CLINT1: variants seen among roughly 807,000 people sequenced by gnomAD.
The protein encoded by CLINT1 is clathrin interacting protein localized in the trans-Golgi region.
In CLINT1, 15 loss-of-function variants were observed where a neutral mutation model predicts 70.4. That is an observed-to-expected ratio of 0.21 (90% CI 0.14 to 0.33). CLINT1 has a LOEUF of 0.33. CLINT1 is among the 10% of genes least tolerant of loss of function. The pLI is 1.00. For missense variants in CLINT1, 615 were observed against 778.1 expected (o/e 0.79, Z 2.49); for synonymous variants, 227 against 254.7 (o/e 0.89, Z 1.04).
chr5:157,854,586 T>C (rs778169634), intron 1 of CLINT1, among the ~76,000 whole-genome samples: 1 of 152,198 alleles, frequency 6.6e-6, no homozygotes, highest in Non-Finnish European at 1.5e-5. Flanking sequence ...ATAACAAATG[T>C]ATTGCCTGTT....
intron 1 of CLINT1, among the ~76,000 whole-genome samples, chr5:157,825,805 T>C (rs1363485896): frequency 6.6e-6 from 1 of 152,148 alleles, no homozygotes; most frequent in East Asian, 1.9e-4. Context: ...ACTTCCAAAT[T>C]CTTTGTTTCA....
intron 8 of CLINT1, among the ~76,000 whole-genome samples, chr5:157,802,542 C>CTCT (rs1762256935): frequency 7.3e-6 from 1 of 137,306 alleles, no homozygotes; most frequent in African/African-American, 2.8e-5. Context: ...GTAGCCCTCT[C>CTCT]TTTTTTTTTT....
chr5:157,854,539 T>TA (rs1288196034), intron 1 of CLINT1, among the ~76,000 whole-genome samples: 1 of 151,962 alleles, frequency 6.6e-6, no homozygotes, highest in Non-Finnish European at 1.5e-5. Flanking sequence ...GTCTCAAAAA[T>TA]AAAAAATAAA....
chr5:157,818,144 A>G (rs1408654239), intron 1 of CLINT1, among the ~76,000 whole-genome samples: 1 of 152,174 alleles, frequency 6.6e-6, no homozygotes, highest in Non-Finnish European at 1.5e-5. Context: ...TACTGGCTGC[A>G]TAATATTCCA....
intron 7 of CLINT1, among the ~76,000 whole-genome samples, chr5:157,805,361 A>G (rs372363617): frequency 6.6e-6 from 1 of 152,210 alleles, no homozygotes; most frequent in South Asian, 2.1e-4. Flanking sequence ...TATGGTAAAT[A>G]AAAACAAACG....
intron 1 of CLINT1, among the ~76,000 whole-genome samples, chr5:157,845,675 C>T (rs1007762171): frequency 6.6e-6 from 1 of 151,868 alleles, no homozygotes; most frequent in Non-Finnish European, 1.5e-5. Flanking sequence ...CCTCAGCCTC[C>T]CAAGTAGCTG....
intron 8 of CLINT1, among the ~76,000 whole-genome samples, chr5:157,798,475 AACG>A (rs1427265465): frequency 6.6e-6 from 1 of 152,228 alleles, no homozygotes. Flanking sequence ...ACAGTACTTA[AACG>A]ACAAATGGAA....
chr5:157,836,396 C>G (rs754246076), intron 1 of CLINT1, among the ~76,000 whole-genome samples: 1 of 152,316 alleles, frequency 6.6e-6, no homozygotes, highest in Non-Finnish European at 1.5e-5. Context: ...AGATGAAGGT[C>G]CAGAGACCAT....
At chr5:157,788,059 T>C in intron 11 of CLINT1, 67 bp from the exon 12 acceptor site, 1 of 1,193,902 alleles carries the variant, frequency 8.4e-7, no homozygotes, top group Non-Finnish European at 1.2e-6. Context: ...AACAGAGAAC[T>C]AATAACTTCT....
chr5:157,797,702 A>T (rs1017447483), intron 8 of CLINT1, among the ~76,000 whole-genome samples: 1 of 152,210 alleles, frequency 6.6e-6, no homozygotes, highest in African/African-American at 2.4e-5. Context: ...GGGATTTTCA[A>T]ATCTTATTCA....
rs1417355656 is a variant in CLINT1, at chr5:157,787,684, G to C, written c.1840C>G (p.Gln614Glu). The stretch of plus-strand genomic sequence containing the variant: ...TTGGCGAAATTTGCAAAGGCATCTT[G>C]CTTGGGTTGCACAGTTCCAGAAGTC... Reference protein sequence around the residue: ...AMTSGTVQPKQDAFANFANFS... With the variant: ...AMTSGTVQPKEDAFANFANFS... The change falls in exon 12 of 12, where the codon CAA (glutamine) becomes GAA (glutamate). Residue 614 changes from glutamine (Q) to glutamate (E), a missense_variant. By Grantham distance (29) the Gln-to-Glu change is conservative. Coordinates refer to ENST00000411809, the MANE Select transcript of CLINT1 (RefSeq NM_014666.4). The C allele has an allele frequency of 6.2e-6, 10 of 1,613,940 alleles. No individual in the cohort carries two copies. The highest frequency in any genetic ancestry group is 8.5e-6 in the Non-Finnish European group (10 of 1,179,860).
At chr5:157,801,162 T>C (rs1045574998) in intron 8 of CLINT1, among the ~76,000 whole-genome samples, 4 of 152,192 alleles carry the variant, frequency 2.6e-5, no homozygotes, top group African/African-American at 9.6e-5. Context: ...TGAATAATTT[T>C]AGGAACAGTT....
intron 1 of CLINT1, among the ~76,000 whole-genome samples, chr5:157,857,224 CAA>C (rs34211902): frequency 0.14 from 17,158 of 120,612 alleles, 1,274 homozygotes; most frequent in African/African-American, 0.24. Context: ...GAGACCCCAT[CAA>C]AAAAAAAAAA....
At chr5:157,807,707 CCTGT>C (rs1490417317) in intron 6 of CLINT1, among the ~76,000 whole-genome samples, 1 of 151,960 alleles carries the variant, frequency 6.6e-6, no homozygotes, top group African/African-American at 2.4e-5. Context: ...TCTAGGAGAT[CCTGT>C]CTTAGAGGCA....
chr5:157,816,699 CAT>C, intron 3 of CLINT1, 33 bp downstream of exon 3: 1 of 1,441,690 alleles, frequency 6.9e-7, no homozygotes, highest in East Asian at 2.3e-5. Flanking sequence ...TTGTTTTCAA[CAT>C]GTCAAGTAAT....
intron 1 of CLINT1, among the ~76,000 whole-genome samples, chr5:157,830,792 CTCTCTA>C (rs748262701): frequency 0.02 from 2,305 of 116,212 alleles, 20 homozygotes; most frequent in African/African-American, 0.023. Context: ...CTCTCTCTCT[CTCTCTA>C]TATATATATA....
chr5:157,842,852 T>G (rs1336879790), intron 1 of CLINT1, among the ~76,000 whole-genome samples: 2 of 152,238 alleles, frequency 1.3e-5, no homozygotes, highest in Non-Finnish European at 2.9e-5. Context: ...TCGTTTTGCG[T>G]GTAAGTTTAA....
intron 1 of CLINT1, among the ~76,000 whole-genome samples, chr5:157,818,081 T>C (rs1347793666): frequency 6.6e-6 from 1 of 152,202 alleles, no homozygotes; most frequent in African/African-American, 2.4e-5. Flanking sequence ...TCTTTTTTCA[T>C]TTACTCTATC....
At chr5:157,811,037 G>C (rs2113197912) in intron 5 of CLINT1, among the ~76,000 whole-genome samples, 1 of 152,202 alleles carries the variant, frequency 6.6e-6, no homozygotes, top group Admixed American at 6.5e-5. Context: ...TTTAAACCAG[G>C]ATGGTTTTTT....
Sources: gnomAD v4.1 joint callset for allele counts (sites outside exome capture counted in the v4.1 genomes callset) on GRCh38, gnomAD v4.1.1 for gene constraint, MANE v1.5 for transcripts, NCBI Gene and HGNC (gene_info 2026-07-23, HGNC 2026-07-21) for gene names.